The following LGALS4 variants were observed in gnomAD, a reference collection of about 807,000 sequenced individuals.
LGALS4 encodes the protein galectin 4, also known as galectin-4.
In LGALS4, 37 loss-of-function variants were observed where a neutral mutation model predicts 39.6. That is an observed-to-expected ratio of 0.93 (90% CI 0.72 to 1.23). The LOEUF (loss-of-function observed/expected upper bound fraction) is 1.23. Ranked by LOEUF, LGALS4 falls within the 50% of genes most tolerant of loss-of-function variation. The pLI is 0.00. For synonymous variants in LGALS4, 160 were observed against 165.5 expected (o/e 0.97, Z 0.25); for missense variants, 397 against 433.2 (o/e 0.92, Z 0.74).
chr19:38,810,719 T>G (rs575850731), intron 2 of LGALS4, among the ~76,000 whole-genome samples: 1 of 151,798 alleles, frequency 6.6e-6, no homozygotes, highest in South Asian at 2.1e-4. Context: ...TCAGGTGATC[T>G]GCCTGGCTTA....
At chr19:38,812,215 G>C (rs1019083238) in intron 2 of LGALS4, among the ~76,000 whole-genome samples, 8 of 152,172 alleles carry the variant, frequency 5.3e-5, no homozygotes, top group African/African-American at 1.9e-4. Context: ...GTCCAACTCA[G>C]GGACTGCCTC....
Position 38,806,362 on chromosome 19 carries a change from C to T in LGALS4, c.474+99G>A, listed in dbSNP as rs977157057. ...CAACCTGGGCGACAGAGTGAGACTC[C>T]GTCTCAAAAAAAAAAGAAAAAAAGA... On this transcript the variant is annotated intron_variant, in intron 4 of 9. Transcript: ENST00000307751. The T allele has an allele frequency of 2.2e-5, 29 of 1,311,078 alleles. 1 individual carries two copies. The highest frequency in any genetic ancestry group is 4.8e-5 in the East Asian group (2 of 41,662). 81.2% of individuals were successfully genotyped at this position (1,311,078 alleles called of 1,614,324 possible).
At chr19:38,805,790 C>T (rs541962501) in intron 4 of LGALS4, among the ~76,000 whole-genome samples, 11 of 152,160 alleles carry the variant, frequency 7.2e-5, no homozygotes, top group South Asian at 2.1e-4. Context: ...ATGTGGAATG[C>T]GCTGGGCACC....
intron 2 of LGALS4, among the ~76,000 whole-genome samples, chr19:38,810,528 A>AATTTTTTGT (rs1265452733): frequency 6.6e-6 from 1 of 151,850 alleles, no homozygotes; most frequent in Non-Finnish European, 1.5e-5. Flanking sequence ...ATGCCCAGCT[A>AATTTTTTGT]ATTTTTTGTA....
intron 2 of LGALS4, among the ~76,000 whole-genome samples, chr19:38,811,646 C>T (rs2145362736): frequency 6.6e-6 from 1 of 151,402 alleles, no homozygotes; most frequent in East Asian, 2.0e-4. Flanking sequence ...GGCAACAGAG[C>T]AAGACCCTAT....
At chr19:38,805,165 A>AT (rs1971407564) in intron 4 of LGALS4, among the ~76,000 whole-genome samples, 7 of 107,724 alleles carry the variant, frequency 6.5e-5, no homozygotes, top group Admixed American at 1.0e-4. Flanking sequence ...CCCTGCCTCA[A>AT]AAATAATAAT....
rs1971365393 is a variant in LGALS4 at position 38,802,213 on chromosome 19, G to T, written c.660-56C>A. The T allele has an allele frequency of 3.7e-6, 6 of 1,602,864 alleles. No individual in the cohort carries two copies. In the South Asian group the frequency reaches 4.4e-5, roughly 12 times the overall value. On this transcript the variant is annotated intron_variant, in intron 8 of 9. Coordinates refer to ENST00000307751, the MANE Select transcript of LGALS4 (RefSeq NM_006149.4). The stretch of plus-strand genomic sequence containing the variant: ...TGGAGTCCAGTGGGAAGAGGCCAGT[G>T]GGCTGGACCTCTGAATCCCTAAAGG...
intron 2 of LGALS4, among the ~76,000 whole-genome samples, chr19:38,810,211 A>G (rs1219163302): frequency 6.6e-6 from 1 of 152,050 alleles, no homozygotes; most frequent in Non-Finnish European, 1.5e-5. Flanking sequence ...GCTGGAGTGC[A>G]GTGATGCGAT....
Position 38,802,067 on chromosome 19 carries a change from G to A in LGALS4, c.750C>T (p.Ser250=), listed in dbSNP as rs772672715. Residue 250 remains serine (S), a synonymous_variant, in exon 9 of 10, where the codon AGC becomes AGT. Transcript: ENST00000307751. ...CGGATCCCCACGAGCCATTCAGAAGGCTGTTCCGGACCACGGTACCGTTGC... is the reference window on the plus strand; with the variant it reads ...CGGATCCCCACGAGCCATTCAGAAGACTGTTCCGGACCACGGTACCGTTGC... ...RMGNGTVVRN[S]LLNGSWGSEE... is the part of the protein sequence containing the mutation. 9 of 1,614,228 alleles carry A rather than the reference G, an allele frequency of 5.6e-6. No individual in the cohort carries two copies. Among genetic ancestry groups the A allele is most frequent in the Middle Eastern group, 1.6e-4 (1 of 6,062 alleles).
At chr19:38,806,384 A>G in intron 4 of LGALS4, 77 bp downstream of exon 4, 2 of 1,516,914 alleles carry the variant, frequency 1.3e-6, no homozygotes, top group Non-Finnish European at 1.8e-6. Flanking sequence ...AAAAGAAAAA[A>G]AGAAAAAAAG....
chr19:38,808,698 C>A, intron 3 of LGALS4, 46 bp downstream of exon 3: 1 of 1,460,710 alleles, frequency 6.8e-7, no homozygotes, highest in African/African-American at 1.4e-5. Context: ...GCCAAGATGG[C>A]GCCACTGCAC....
chr19:38,808,757 G>A lies in LGALS4; in HGVS notation c.326C>T (p.Ala109Val). The A allele has an allele frequency of 6.2e-7, 1 of 1,614,048 alleles. No homozygotes were observed. Among genetic ancestry groups the A allele is most frequent in the African/African-American group, 1.3e-5 (1 of 75,020 alleles). Residue 109 changes from alanine (A) to valine (V), a missense_variant, in exon 3 of 10, where the codon GCT (alanine) becomes GTT (valine). Transcript: ENST00000307751. The stretch of plus-strand genomic sequence containing the variant: ...AAGCATGCAGACCTTGTAGTGCTCA[G>A]CCAGGACTATGAAGACCAGCTCAAA... The part of the protein sequence containing the change: ...AAFELVFIVL[A>V]EHYKVVVNGN...
chr19:38,805,078 C>T (rs1283447018), intron 4 of LGALS4, among the ~76,000 whole-genome samples: 5 of 151,104 alleles, frequency 3.3e-5, no homozygotes, highest in African/African-American at 1.2e-4. Flanking sequence ...GTGGGAGGAT[C>T]ACTTGAACCC....
In LGALS4 at chr19:38,808,796, T is replaced by A. The variant is rs934095655; in HGVS notation, c.287A>T (p.Lys96Ile). 6.2e-7 allele frequency: 1 copy of A among 1,614,128 alleles called. No homozygotes were observed. ...SEERKRSMPF[K>I]KGAAFELVFI... ...GACCAGCTCAAAGGCGGCACCCTTT[T>A]TGAAGGGCATGCTCCTCTTCCTCTC... The change falls in exon 3 of 10, where the codon AAA becomes ATA. Residue 96 changes from lysine (K) to isoleucine (I), a missense_variant. Physicochemically the swap from Lys to Ile is moderately radical, Grantham distance 102. Coordinates refer to ENST00000307751, the MANE Select transcript of LGALS4 (RefSeq NM_006149.4).
intron 7 of LGALS4, 165 bp downstream of exon 7, chr19:38,803,357 A>G: frequency 1.5e-6 from 1 of 673,546 alleles, no homozygotes; most frequent in East Asian, 2.7e-5. Flanking sequence ...CTCCTGGAAA[A>G]CATCCCCAAT....
chr19:38,807,668 G>A (rs1228823130), intron 3 of LGALS4, among the ~76,000 whole-genome samples: 3 of 152,022 alleles, frequency 2.0e-5, no homozygotes, highest in Middle Eastern at 3.2e-3. Flanking sequence ...TGACGATGGC[G>A]GTTTTGTCGA....
chr19:38,806,986 G>A (rs1971429872), intron 3 of LGALS4, among the ~76,000 whole-genome samples: 1 of 151,512 alleles, frequency 6.6e-6, no homozygotes, highest in Non-Finnish European at 1.5e-5. Flanking sequence ...CTTTTTCATT[G>A]GGAGTCGATA....
At position 38,812,823 on chromosome 19, in the gene LGALS4, G is replaced by A. The variant is rs746123416; in HGVS notation, c.45+19C>T. 6.2e-7 allele frequency: 1 copy of A among 1,610,042 alleles called. No homozygotes were observed. Among genetic ancestry groups the A allele is most frequent in the African/African-American group, 1.3e-5 (1 of 75,032 alleles). On this transcript the variant is annotated intron_variant, in intron 1 of 9. Transcript: ENST00000307751. ...TGGACGGAGCTGCGGGCGGAGTGGG[G>A]CCTGAGCTGGCATCTCACCGGGTTG...
At chr19:38,807,267 C>A (rs115726886) in intron 3 of LGALS4, among the ~76,000 whole-genome samples, 1 of 152,002 alleles carries the variant, frequency 6.6e-6, no homozygotes, top group Non-Finnish European at 1.5e-5. Flanking sequence ...ACTCCGGAGG[C>A]TAATGTGAGA....
Sources: allele counts gnomAD v4.1 joint callset (sites outside exome capture counted in the v4.1 genomes callset), GRCh38; gene constraint gnomAD v4.1.1; transcripts MANE v1.5; gene names NCBI Gene and HGNC (gene_info 2026-07-23, HGNC 2026-07-21).